The following TACR3 variants were observed in gnomAD, a reference collection of about 807,000 sequenced individuals.
The protein encoded by TACR3 is neuromedin-K receptor.
Under a neutral mutation model 35.0 loss-of-function variants are expected in TACR3, and 34 were observed. The ratio of observed to expected loss-of-function variants is 0.97; its 90% confidence interval spans 0.74 to 1.30. The LOEUF is 1.30. Among genes scored for constraint, TACR3 ranks in the 50% most tolerant of loss-of-function variants. The probability of loss-of-function intolerance (pLI) is 0.00; values close to 1 mark genes in which losing one functional copy is unlikely to be tolerated. For missense variants in TACR3, 558 were observed against 591.7 expected (o/e 0.94, Z 0.59); for synonymous variants, 233 against 221.1 (o/e 1.05, Z -0.48).
chr4:103,686,044 A>AGTGT (rs1159214915), intron 1 of TACR3, among the ~76,000 whole-genome samples: 2 of 152,214 alleles, frequency 1.3e-5, no homozygotes, highest in African/African-American at 4.8e-5. Context: ...TGGTTAAAAC[A>AGTGT]TAGCAGTGTT....
At position 103,719,954 on chromosome 4, in the gene TACR3, G is replaced by A; in HGVS notation, c.-279C>T. Reference sequence around the variant, plus strand: ...ATCGAGTCACATCACACGTAGGGAGGGTGCCAGCTGCCCGGCACAGGCTGG... The same window carrying A: ...ATCGAGTCACATCACACGTAGGGAGAGTGCCAGCTGCCCGGCACAGGCTGG... On this transcript the variant is annotated 5_prime_UTR_variant, in exon 1 of 5. Transcript: ENST00000304883. The A allele has an allele frequency of 1.8e-6, 1 of 542,478 alleles. No individual in the cohort carries two copies. Among genetic ancestry groups the A allele is most frequent in the South Asian group, 2.5e-5 (1 of 40,742 alleles). The allele number at this position is 542,478 out of a possible 1,614,324, so 33.6% of individuals were successfully genotyped here. A position where few individuals can be genotyped will look rare whatever the true frequency, so the allele number is the denominator to read the frequency against.
intron 3 of TACR3, among the ~76,000 whole-genome samples, chr4:103,615,414 A>T (rs1463099225): frequency 3.6e-4 from 55 of 151,338 alleles, no homozygotes; most frequent in African/African-American, 4.9e-4. Flanking sequence ...AGAGAGAGAG[A>T]GAGAGAGAGA....
chr4:103,704,052 C>T (rs1328687089), intron 1 of TACR3, among the ~76,000 whole-genome samples: 17 of 136,062 alleles, frequency 1.2e-4, no homozygotes, highest in Admixed American at 1.1e-3. Context: ...TGCAGTGAGC[C>T]GAGATTGCGC....
At chr4:103,603,172 C>T (rs1724252454) in intron 3 of TACR3, among the ~76,000 whole-genome samples, 2 of 152,354 alleles carry the variant, frequency 1.3e-5, no homozygotes, top group South Asian at 4.1e-4. Context: ...AGCAAGACTC[C>T]ATGGGCGTAG....
At chr4:103,632,118 CTCAA>C (rs1464041036) in intron 3 of TACR3, among the ~76,000 whole-genome samples, 1 of 152,056 alleles carries the variant, frequency 6.6e-6, no homozygotes, top group East Asian at 1.9e-4. Flanking sequence ...TTAAAAACAA[CTCAA>C]TCAAGATAAA....
intron 1 of TACR3, among the ~76,000 whole-genome samples, chr4:103,693,180 G>C (rs1722442722): frequency 6.6e-6 from 1 of 151,872 alleles, no homozygotes. Context: ...TCTACAACTT[G>C]TTAATATTTT....
At position 103,719,806 on chromosome 4, in the gene TACR3, G is replaced by T. The variant is rs1723175339; in HGVS notation, c.-131C>A. The T allele has an allele frequency of 1.7e-6, 2 of 1,194,386 alleles. No homozygotes were observed. The highest frequency in any genetic ancestry group is 2.4e-6 in the Non-Finnish European group (2 of 841,836). 74.0% of individuals were successfully genotyped at this position (1,194,386 alleles called of 1,614,324 possible). On this transcript the variant is annotated 5_prime_UTR_variant, in exon 1 of 5. Transcript: ENST00000304883. ...CTTCAGATAAGACTGGAAGCTGAAA[G>T]ATACTGCAATCCCTGCTGGTTAGGG...
chr4:103,654,947 C>A (rs939296074), intron 3 of TACR3, among the ~76,000 whole-genome samples: 4 of 152,076 alleles, frequency 2.6e-5, no homozygotes, highest in Non-Finnish European at 1.5e-5. Context: ...AAGCTCTCCT[C>A]GCTTTAGGAT....
chr4:103,703,938 C>A (rs533971115), intron 1 of TACR3, among the ~76,000 whole-genome samples: 5 of 151,034 alleles, frequency 3.3e-5, no homozygotes, highest in African/African-American at 9.7e-5. Flanking sequence ...ATCTCTACTA[C>A]AAAATACAAA....
intron 1 of TACR3, among the ~76,000 whole-genome samples, chr4:103,687,136 A>C (rs1234753046): frequency 1.3e-5 from 2 of 152,102 alleles, no homozygotes; most frequent in Admixed American, 6.6e-5. Context: ...ACAGAACCAA[A>C]GACAAAAACC....
At chr4:103,602,663 C>T (rs1477478909) in intron 3 of TACR3, among the ~76,000 whole-genome samples, 1 of 152,198 alleles carries the variant, frequency 6.6e-6, no homozygotes, top group African/African-American at 2.4e-5. Context: ...ACTGCAGACC[C>T]TGTTTGCCTG....
At chr4:103,710,502 G>A (rs796269658) in intron 1 of TACR3, among the ~76,000 whole-genome samples, 30 of 152,170 alleles carry the variant, frequency 2.0e-4, no homozygotes, top group African/African-American at 7.2e-4. Flanking sequence ...GTGTGTAGAG[G>A]GAAATTTATA....
In TACR3 at chr4:103,587,324, G is replaced by A. The variant is rs764736392; in HGVS notation, c.*2358C>T. On this transcript the variant is annotated 3_prime_UTR_variant, in exon 5 of 5. Transcript: ENST00000304883. ...TTCTGCCTATAGGTCTCAGTTTAAGGGCCATGAGTAGTGAGTGAATGATGC... is the reference window on the plus strand; with the variant it reads ...TTCTGCCTATAGGTCTCAGTTTAAGAGCCATGAGTAGTGAGTGAATGATGC... 6.6e-6 allele frequency: 1 copy of A among 151,872 alleles called. No homozygotes were observed. The highest frequency in any genetic ancestry group is 1.5e-5 in the Non-Finnish European group (1 of 67,970). 9.4% of individuals were successfully genotyped at this position (151,872 alleles called of 1,614,324 possible).
At chr4:103,608,501 C>T (rs1724435708) in intron 3 of TACR3, among the ~76,000 whole-genome samples, 1 of 152,034 alleles carries the variant, frequency 6.6e-6, no homozygotes, top group Non-Finnish European at 1.5e-5. Context: ...ATCTCAGCAT[C>T]ACACTATATA....
At chr4:103,600,235 A>G (rs895454237) in intron 3 of TACR3, among the ~76,000 whole-genome samples, 15 of 152,100 alleles carry the variant, frequency 9.9e-5, no homozygotes, top group Non-Finnish European at 1.8e-4. Context: ...TTTCTAGTTT[A>G]TTTGCATAGA....
At chr4:103,636,184 T>C (rs1307271266) in intron 3 of TACR3, among the ~76,000 whole-genome samples, 1 of 151,928 alleles carries the variant, frequency 6.6e-6, no homozygotes, top group Admixed American at 6.6e-5. Flanking sequence ...GTTAAGGGAG[T>C]TTATGTATTG....
At chr4:103,650,157 C>T (rs575213915) in intron 3 of TACR3, among the ~76,000 whole-genome samples, 46 of 152,052 alleles carry the variant, frequency 3.0e-4, no homozygotes, top group African/African-American at 1.1e-3. Context: ...GACAGAGGCT[C>T]TTGTTCTCTT....
At chr4:103,697,061 G>A (rs1722535961) in intron 1 of TACR3, among the ~76,000 whole-genome samples, 2 of 152,118 alleles carry the variant, frequency 1.3e-5, no homozygotes, top group Admixed American at 1.3e-4. Context: ...TTACAGGTGT[G>A]AGCCACTGTT....
intron 1 of TACR3, among the ~76,000 whole-genome samples, chr4:103,707,950 C>A (rs961620427): frequency 1.3e-5 from 2 of 152,160 alleles, no homozygotes; most frequent in Non-Finnish European, 2.9e-5. Flanking sequence ...AGTGAGGCTG[C>A]TGGAGGGGCA....
Sources: gnomAD v4.1 joint callset for allele counts (sites outside exome capture counted in the v4.1 genomes callset) on GRCh38, gnomAD v4.1.1 for gene constraint, MANE v1.5 for transcripts, NCBI Gene and HGNC (gene_info 2026-07-23, HGNC 2026-07-21) for gene names.